Variants in MYO3A observed in about 807,000 individuals in gnomAD.
The protein encoded by MYO3A is myosin-IIIa.
Under a neutral mutation model 192.7 loss-of-function variants are expected in MYO3A, and 180 were observed. The observed-to-expected ratio is 0.93, with a 90% confidence interval of 0.83 to 1.06. The LOEUF is 1.06. Among genes scored for constraint, MYO3A ranks in the 50% least tolerant of loss-of-function variants. The pLI, the probability that MYO3A is intolerant of heterozygous loss-of-function variation, is 0.00. For synonymous variants in MYO3A, 628 were observed against 645.3 expected, an observed-to-expected ratio of 0.97 and a Z score of 0.41; for missense variants, 1,896 against 1,905.0, an observed-to-expected ratio of 1.00 and a Z score of 0.09.
chr10:26,211,936 G>A lies in MYO3A; in HGVS notation c.4824G>A (p.Gln1608=). 3 of 1,613,984 alleles carry A rather than the reference G, an allele frequency of 1.9e-6. No individual in the cohort carries two copies. The highest frequency in any genetic ancestry group is 2.5e-6 in the Non-Finnish European group (3 of 1,179,976). ...GGAGGCTCCTGCGCAAAACCTCCCA[G>A]CGCCGGCGCCTCGTCCAGCAGTCCT... ...DFRRLLRKTS[Q]RRRLVQQS The change falls in exon 35 of 35, where the codon CAG becomes CAA. Residue 1608 remains glutamine, a synonymous_variant. Transcript: ENST00000642920.
At chr10:26,183,128 T>A (rs1842687485) in intron 31 of MYO3A, among the ~76,000 whole-genome samples, 1 of 152,142 alleles carries the variant, frequency 6.6e-6, no homozygotes, top group African/African-American at 2.4e-5. Flanking sequence ...TCTGTGGGTC[T>A]CACCCCCCAC....
At chr10:25,972,314 A>G (rs540589717) in intron 4 of MYO3A, among the ~76,000 whole-genome samples, 2 of 151,898 alleles carry the variant, frequency 1.3e-5, no homozygotes, top group Non-Finnish European at 2.9e-5. Flanking sequence ...TTGATATTCC[A>G]TATTTGATGA....
chr10:26,119,894 A>G (rs1041537727), intron 17 of MYO3A, among the ~76,000 whole-genome samples: 2 of 152,106 alleles, frequency 1.3e-5, no homozygotes, highest in East Asian at 1.9e-4. Context: ...AGTGGTTTAC[A>G]CCAATAATCC....
intron 20 of MYO3A, among the ~76,000 whole-genome samples, chr10:26,133,887 A>G (rs1839699039): frequency 6.6e-6 from 1 of 152,210 alleles, no homozygotes; most frequent in African/African-American, 2.4e-5. Flanking sequence ...CCAAAATACA[A>G]TTTTTTGGTA....
At chr10:25,953,158 G>A (rs1837313531) in intron 3 of MYO3A, among the ~76,000 whole-genome samples, 1 of 152,028 alleles carries the variant, frequency 6.6e-6, no homozygotes. Flanking sequence ...TGAAAATGAT[G>A]TAATGTGTAT....
rs150097286 is a variant in MYO3A at position 26,028,768 on chromosome 10, A to G, written c.953+2236A>G. 4.5e-4 allele frequency among the ~76,000 whole-genome samples: 68 copies of G among 152,330 alleles called. 1 individual carries two copies. In the East Asian group the frequency reaches 8.5e-3, roughly 19 times the overall value. ...CTTTACTACTCATTGCCGAGCTGAC[A>G]GCATGAGTTTATGTTCACATTGGTT... On this transcript the variant is annotated intron_variant, in intron 10 of 34. Transcript: ENST00000642920.
rs1187872608 is a variant in MYO3A, at chr10:25,997,285, T to G, written c.508+27T>G. On this transcript the variant is annotated intron_variant, in intron 6 of 34. Transcript: ENST00000642920. ...TAAGTTTTGTTTAAAATGCATGAGTTTTAACTCCATAATGAACTAGTATGA... is the reference window on the plus strand; with the variant it reads ...TAAGTTTTGTTTAAAATGCATGAGTGTTAACTCCATAATGAACTAGTATGA... The G allele has an allele frequency of 3.4e-6, 5 of 1,464,824 alleles. No individual in the cohort carries two copies. In the East Asian group the frequency reaches 1.1e-4, roughly 33 times the overall value. 90.7% of individuals were successfully genotyped at this position (1,464,824 alleles called of 1,614,324 possible). A position where few individuals can be genotyped will look rare whatever the true frequency, so the allele number is the denominator to read the frequency against.
chr10:26,011,289 C>A (rs1157954712), intron 6 of MYO3A, among the ~76,000 whole-genome samples: 2 of 151,968 alleles, frequency 1.3e-5, no homozygotes, highest in Admixed American at 6.6e-5. Flanking sequence ...TAAAAGTCAG[C>A]CGGGTGTGGT....
At chr10:26,185,157 G>A (rs1842801362) in intron 31 of MYO3A, among the ~76,000 whole-genome samples, 1 of 152,030 alleles carries the variant, frequency 6.6e-6, no homozygotes. Context: ...TCAGCCCTCT[G>A]GCTTTAGATT....
intron 4 of MYO3A, among the ~76,000 whole-genome samples, chr10:25,987,899 C>T (rs1229016363): frequency 1.3e-5 from 2 of 152,104 alleles, no homozygotes; most frequent in Admixed American, 6.6e-5. Flanking sequence ...GATATTTGTA[C>T]ACACATGTTC....
chr10:26,203,260 G>T (rs1310671051), intron 34 of MYO3A, among the ~76,000 whole-genome samples, 153 bp downstream of exon 34: 1 of 152,164 alleles, frequency 6.6e-6, no homozygotes, highest in Non-Finnish European at 1.5e-5. Context: ...GTAATGTCAT[G>T]TACAGTGTTA....
chr10:25,964,998 T>A (rs1838171998), intron 4 of MYO3A, among the ~76,000 whole-genome samples: 2 of 152,216 alleles, frequency 1.3e-5, no homozygotes. Context: ...GTATGCTATT[T>A]ATTTCTTTTC....
At chr10:26,059,806 T>A (rs1834343820) in intron 10 of MYO3A, among the ~76,000 whole-genome samples, 1 of 152,248 alleles carries the variant, frequency 6.6e-6, no homozygotes, top group African/African-American at 2.4e-5. Context: ...TGCTTGCACG[T>A]GGCAGGGTCT....
chr10:26,109,855 T>G (rs562752523), intron 17 of MYO3A, among the ~76,000 whole-genome samples: 7 of 152,116 alleles, frequency 4.6e-5, no homozygotes, highest in Non-Finnish European at 8.8e-5. Context: ...GTAGGGAAAC[T>G]GGTGAAAGAG....
intron 15 of MYO3A, among the ~76,000 whole-genome samples, chr10:26,092,585 C>T (rs560920625): frequency 2.0e-5 from 3 of 152,272 alleles, no homozygotes; most frequent in African/African-American, 7.2e-5. Context: ...TACTTTGACA[C>T]CGTTTGAGGC....
chr10:25,937,309 A>G (rs1480792300), intron 2 of MYO3A, among the ~76,000 whole-genome samples: 1 of 151,984 alleles, frequency 6.6e-6, no homozygotes, highest in Non-Finnish European at 1.5e-5. Flanking sequence ...TCACTCATAT[A>G]TTTTACCTCC....
intron 32 of MYO3A, 187 bp from the exon 33 acceptor site, chr10:26,201,078 A>C (rs556321518): frequency 7.2e-6 from 2 of 278,770 alleles, no homozygotes; most frequent in Non-Finnish European, 1.4e-5. Flanking sequence ...AAATAACCAG[A>C]AATTTATAAT....
chr10:26,159,704 G>C (rs1339393401), intron 26 of MYO3A, among the ~76,000 whole-genome samples: 2 of 151,980 alleles, frequency 1.3e-5, no homozygotes, highest in African/African-American at 2.4e-5. Context: ...TAGAGACCTG[G>C]GATTATTTAT....
At chr10:25,974,644 G>T (rs1838867017) in intron 4 of MYO3A, among the ~76,000 whole-genome samples, 1 of 152,170 alleles carries the variant, frequency 6.6e-6, no homozygotes, top group Non-Finnish European at 1.5e-5. Flanking sequence ...TGGCTCAAAT[G>T]CCACAGACTC....
Sources: allele counts gnomAD v4.1 joint callset (sites outside exome capture counted in the v4.1 genomes callset), GRCh38; gene constraint gnomAD v4.1.1; transcripts MANE v1.5; gene names NCBI Gene and HGNC (gene_info 2026-07-23, HGNC 2026-07-21).